MIER1: variants seen among roughly 807,000 people sequenced by gnomAD.
MIER1 encodes the protein MIER1 transcriptional regulator.
In MIER1, 40 loss-of-function variants were observed where a neutral mutation model predicts 75.7. The observed-to-expected ratio is 0.53, with a 90% CI of 0.41 to 0.69. The LOEUF (loss-of-function observed/expected upper bound fraction) is 0.69, where lower values mean the gene tolerates loss of function less well. Ranked by LOEUF, MIER1 falls within the 30% of genes least tolerant of loss-of-function variation. The pLI is 0.00. For missense variants in MIER1, 574 were observed against 680.2 expected, an observed-to-expected ratio of 0.84 and a Z score of 1.74; for synonymous variants, 213 against 223.4, an observed-to-expected ratio of 0.95 and a Z score of 0.42.
Position 66,988,065 on chromosome 1 carries a change from G to C in MIER1, c.*3165G>C, listed in dbSNP as rs1181178270. The C allele has an allele frequency of 6.6e-6, 1 of 152,264 alleles. No individual in the cohort carries two copies. Among genetic ancestry groups the C allele is most frequent in the African/African-American group, 2.4e-5 (1 of 41,430 alleles). The allele number at this position is 152,264 out of a possible 1,614,324, so 9.4% of individuals were successfully genotyped here. ...GCTATCGATGGATAATTAGGAGTGG[G>C]CACTTGGAATAACTGAGGGCTGGTG... On this transcript the variant is annotated 3_prime_UTR_variant, in exon 14 of 14. Transcript: ENST00000401041.
chr1:66,982,478 G>A (rs555243988), intron 13 of MIER1, among the ~76,000 whole-genome samples: 1 of 152,214 alleles, frequency 6.6e-6, no homozygotes, highest in Non-Finnish European at 1.5e-5. Context: ...GGTTCAGATA[G>A]TGTTTCCGTT....
chr1:66,925,004 C>T lies in MIER1; in HGVS notation c.-25C>T. 6.5e-7 allele frequency: 1 copy of T among 1,545,650 alleles called. No homozygotes were observed. Among genetic ancestry groups the T allele is most frequent in the Non-Finnish European group, 8.7e-7 (1 of 1,145,358 alleles). On this transcript the variant is annotated 5_prime_UTR_variant, in exon 1 of 14. Transcript: ENST00000401041. The stretch of plus-strand genomic sequence containing the variant: ...GCCCGGGCCTCAGGCCCCTCCCAGG[C>T]TCTGAGTCTCCCGGCTGCAGGCGGA...
chr1:66,946,594 A>T, intron 4 of MIER1: 1 of 1,040,966 alleles, frequency 9.6e-7, no homozygotes, highest in Non-Finnish European at 1.2e-6. Flanking sequence ...ACACGGCCTC[A>T]TATATCCTTT....
At chr1:66,962,060 A>G (rs1156887721) in intron 7 of MIER1, among the ~76,000 whole-genome samples, 5 of 152,176 alleles carry the variant, frequency 3.3e-5, no homozygotes, top group African/African-American at 9.7e-5. Flanking sequence ...TTCATGCCCA[A>G]TTTTGAAAAT....
chr1:66,976,747 C>A, intron 12 of MIER1, 25 bp downstream of exon 12: 2 of 1,524,090 alleles, frequency 1.3e-6, no homozygotes, highest in Non-Finnish European at 1.8e-6. Flanking sequence ...TCCTTAAGAG[C>A]TATATATACA....
Position 66,976,575 on chromosome 1 carries a change from C to G in MIER1, c.1102-20C>G, listed in dbSNP as rs1273719933. The stretch of plus-strand genomic sequence containing the variant: ...TTGTTAAAAAGGAGATTCTTAAAAG[C>G]AAGCATTTGTTTCTTACAGGTCCGA... On this transcript the variant is annotated intron_variant, in intron 11 of 13. Transcript: ENST00000401041. 3 of 1,538,634 alleles carry G rather than the reference C, an allele frequency of 1.9e-6. No homozygotes were observed. The highest frequency in any genetic ancestry group is 2.8e-5 in the African/African-American group (2 of 71,384).
intron 4 of MIER1, among the ~76,000 whole-genome samples, chr1:66,953,233 G>C (rs1028664596): frequency 6.6e-6 from 1 of 152,252 alleles, no homozygotes; most frequent in Non-Finnish European, 1.5e-5. Flanking sequence ...CAGAAGTAGA[G>C]AGTAGGAGAG....
At chr1:66,946,829 T>C (rs1261221478) in intron 4 of MIER1, 2 of 985,020 alleles carry the variant, frequency 2.0e-6, no homozygotes, top group African/African-American at 1.7e-5. Context: ...CTCAGCAGTA[T>C]TCAATATAGT....
intron 2 of MIER1, among the ~76,000 whole-genome samples, chr1:66,927,305 T>C (rs1248455641): frequency 6.6e-6 from 1 of 152,132 alleles, no homozygotes; most frequent in Non-Finnish European, 1.5e-5. Flanking sequence ...TCAGGCTTTG[T>C]ATAGTGGTTT....
At chr1:66,931,837 A>G (rs1355596388) in intron 2 of MIER1, among the ~76,000 whole-genome samples, 1 of 151,836 alleles carries the variant, frequency 6.6e-6, no homozygotes, top group African/African-American at 2.4e-5. Flanking sequence ...AGCTGGATTT[A>G]TACATTTTGT....
At chr1:66,957,062 G>C (rs1570341412) in intron 4 of MIER1, among the ~76,000 whole-genome samples, 1 of 152,016 alleles carries the variant, frequency 6.6e-6, no homozygotes, top group East Asian at 1.9e-4. Context: ...TTTTCTGACT[G>C]TTTTGCTTCA....
At position 66,946,266 on chromosome 1, in the gene MIER1, T is replaced by A. The variant is rs1657608980; in HGVS notation, c.310T>A (p.Phe104Ile). The part of the protein sequence containing the change: ...EEEMMEGETN[F>I]SSEIEDLARE... ...AGAAATGATGGAAGGAGAAACAAAC[T>A]TCAGCTCTGAAATAGAAGATCTTGC... The change falls in exon 4 of 14, where the codon TTC (phenylalanine) becomes ATC (isoleucine). Residue 104 changes from phenylalanine (F) to isoleucine (I), a missense_variant. Phe to Ile is a conservative substitution (Grantham distance 21). Transcript: ENST00000401041. 1.2e-6 allele frequency: 2 copies of A among 1,609,524 alleles called. No homozygotes were observed. Among genetic ancestry groups the A allele is most frequent in the Non-Finnish European group, 8.5e-7 (1 of 1,178,866 alleles).
intron 12 of MIER1, 152 bp downstream of exon 12, chr1:66,976,874 C>T: frequency 1.7e-6 from 1 of 584,518 alleles, no homozygotes; most frequent in Non-Finnish European, 2.7e-6. Context: ...TTTTATAATA[C>T]ACATTAAACT....
intron 2 of MIER1, among the ~76,000 whole-genome samples, chr1:66,927,549 AT>A (rs891975363): frequency 4.6e-5 from 7 of 151,654 alleles, no homozygotes; most frequent in Non-Finnish European, 7.4e-5. Context: ...TTAAAAATAA[AT>A]TTTTTTTTGT....
At chr1:66,971,622 CT>C (rs753934025) in intron 9 of MIER1, 32 bp from the exon 10 acceptor site, 2 of 1,081,926 alleles carry the variant, frequency 1.8e-6, no homozygotes, top group African/African-American at 3.2e-5. Context: ...GTTTATAGTC[CT>C]TGTCACATAT....
chr1:66,926,072 A>ATTTTTAAAT, intron 1 of MIER1, 70 bp from the exon 2 acceptor site: 1 of 1,221,634 alleles, frequency 8.2e-7, no homozygotes. Flanking sequence ...AATGCGAAAC[A>ATTTTTAAAT]GGGTGGATGG....
chr1:66,963,106 A>T lies in MIER1; in HGVS notation c.718A>T (p.Met240Leu). The change falls in exon 8 of 14, where the codon ATG becomes TTG. Residue 240 changes from methionine to leucine, a missense_variant. This residue lies in a region of MIER1 where 309 missense variants were observed against 352.8 expected (regional missense o/e 0.88). Coordinates refer to ENST00000401041, the MANE Select transcript of MIER1 (RefSeq NM_001077700.3). ...DWKKEIMVGSMFQAEIPVGIC... is the reference protein window; with the variant it reads ...DWKKEIMVGSLFQAEIPVGIC... Reference sequence around the variant, plus strand: ...AAAATAGGAGATTATGGTGGGCTCCATGTTTCAAGCAGAAATTCCAGTTGG... The same window carrying T: ...AAAATAGGAGATTATGGTGGGCTCCTTGTTTCAAGCAGAAATTCCAGTTGG... 1 of 1,611,300 alleles carries T rather than the reference A, an allele frequency of 6.2e-7. No homozygotes were observed.
At chr1:66,946,563 A>C (rs1298088573) in intron 4 of MIER1, 1 of 1,103,596 alleles carries the variant, frequency 9.1e-7, no homozygotes. Context: ...TCTGGTCAAA[A>C]ATGGACTATA....
At chr1:66,981,387 A>G (rs1190800558) in intron 12 of MIER1, among the ~76,000 whole-genome samples, 2 of 152,192 alleles carry the variant, frequency 1.3e-5, no homozygotes, top group Non-Finnish European at 1.5e-5. Flanking sequence ...TCTTTTAGGT[A>G]TCGCCTTTAG....
Sources: gnomAD v4.1 joint callset for allele counts (sites outside exome capture counted in the v4.1 genomes callset) on GRCh38, gnomAD v4.1.1 for gene constraint, gnomAD v4.1.1 regional missense constraint, MANE v1.5 for transcripts, NCBI Gene and HGNC (gene_info 2026-07-23, HGNC 2026-07-21) for gene names.